The following ADCY2 variants were observed in gnomAD, a reference collection of about 807,000 sequenced individuals.
ADCY2 encodes the protein adenylate cyclase 2, also known as adenylate cyclase type 2.
Under a neutral mutation model 125.2 loss-of-function variants are expected in ADCY2, and 31 were observed. The observed-to-expected ratio is 0.25, with a 90% CI of 0.19 to 0.33. The LOEUF (loss-of-function observed/expected upper bound fraction) is 0.33, where lower values mean the gene tolerates loss of function less well. Among genes scored for constraint, ADCY2 ranks in the 10% least tolerant of loss-of-function variants. ADCY2 has a pLI of 1.00. For missense variants in ADCY2, 904 were observed against 1,418.2 expected, an observed-to-expected ratio of 0.64 and a Z score of 5.82; for synonymous variants, 512 against 548.4, an observed-to-expected ratio of 0.93 and a Z score of 0.93.
chr5:7,629,137 A>G lies in ADCY2; in HGVS notation c.720+2821A>G, dbSNP rs372919433. 6.6e-5 allele frequency among the ~76,000 whole-genome samples: 10 copies of G among 152,262 alleles called. No individual in the cohort carries two copies. The East Asian group carries it at 1.5e-3, about 23-fold the overall frequency. On this transcript the variant is annotated intron_variant, in intron 4 of 24. Transcript: ENST00000338316. ...TCAGTCATTGTTTAGATAAATAAAT[A>G]GCATCCAATTTAATGTACACGTTAG...
chr5:7,786,179 C>T (rs1744077958), intron 19 of ADCY2, among the ~76,000 whole-genome samples: 1 of 152,144 alleles, frequency 6.6e-6, no homozygotes. Flanking sequence ...ATATAAGACA[C>T]CGTGGGAAAT....
Position 7,712,819 on chromosome 5 carries a change from A to G in ADCY2, c.1579-37A>G, listed in dbSNP as rs1253398997. Reference sequence around the variant, plus strand: ...ATCATTGCAACATTCTTCTTGAAACATGTTTTGACAATTAATAACCTTTTT... The same window carrying G: ...ATCATTGCAACATTCTTCTTGAAACGTGTTTTGACAATTAATAACCTTTTT... On this transcript the variant is annotated intron_variant, in intron 10 of 24. Transcript: ENST00000338316. 2.1e-6 allele frequency: 3 copies of G among 1,460,404 alleles called. No homozygotes were observed. In the Admixed American group the frequency reaches 5.2e-5, roughly 25 times the overall value. The allele number at this position is 1,460,404 out of a possible 1,614,324, so 90.5% of individuals were successfully genotyped here. A position where few individuals can be genotyped will look rare whatever the true frequency, so the allele number is the denominator to read the frequency against.
intron 4 of ADCY2, among the ~76,000 whole-genome samples, chr5:7,641,481 G>T (rs1032879739): frequency 2.0e-5 from 3 of 151,924 alleles, no homozygotes; most frequent in African/African-American, 7.3e-5. Flanking sequence ...TGTCTCCTTT[G>T]TCAAGATATA....
chr5:7,778,255 A>G (rs943169874), intron 18 of ADCY2, among the ~76,000 whole-genome samples: 6 of 152,132 alleles, frequency 3.9e-5, no homozygotes, highest in African/African-American at 1.2e-4. Flanking sequence ...ATTTTTCCTG[A>G]GTTTTTTTTC....
chr5:7,666,332 G>A (rs971881074), intron 4 of ADCY2, among the ~76,000 whole-genome samples: 2 of 149,046 alleles, frequency 1.3e-5, no homozygotes, highest in African/African-American at 2.5e-5. Context: ...GCAGTGGCGC[G>A]ATCTCGGCTC....
At chr5:7,495,345 C>T (rs966349904) in intron 2 of ADCY2, among the ~76,000 whole-genome samples, 2 of 152,188 alleles carry the variant, frequency 1.3e-5, no homozygotes, top group African/African-American at 2.4e-5. Context: ...TTCATTGCAT[C>T]ATCAAGCTCT....
chr5:7,446,860 T>G (rs1308737731), intron 2 of ADCY2, among the ~76,000 whole-genome samples: 2 of 152,172 alleles, frequency 1.3e-5, no homozygotes, highest in Non-Finnish European at 2.9e-5. Flanking sequence ...TCTTTTGCAT[T>G]TGCCTTCTGT....
chr5:7,430,553 T>TAGA (rs1294953329), intron 2 of ADCY2, among the ~76,000 whole-genome samples: 2 of 148,350 alleles, frequency 1.3e-5, no homozygotes, highest in African/African-American at 4.9e-5. Context: ...ATATAGTATA[T>TAGA]TGATATACTA....
At chr5:7,810,157 CT>C (rs1237332993) in intron 22 of ADCY2, among the ~76,000 whole-genome samples, 1 of 151,954 alleles carries the variant, frequency 6.6e-6, no homozygotes, top group Admixed American at 6.6e-5. Context: ...TAGAGTTTTG[CT>C]TTTTTTTAAA....
chr5:7,806,336 A>G (rs1244040433), intron 22 of ADCY2, among the ~76,000 whole-genome samples: 1 of 152,100 alleles, frequency 6.6e-6, no homozygotes, highest in Non-Finnish European at 1.5e-5. Context: ...ACATTAAGAC[A>G]TGTATAGAGA....
At chr5:7,411,616 C>T (rs1739720056) in intron 1 of ADCY2, among the ~76,000 whole-genome samples, 1 of 152,084 alleles carries the variant, frequency 6.6e-6, no homozygotes, top group Admixed American at 6.5e-5. Flanking sequence ...ATGGAGAAGT[C>T]ACCTGCAGCC....
chr5:7,597,549 T>G (rs1579614153), intron 3 of ADCY2, among the ~76,000 whole-genome samples: 3 of 152,138 alleles, frequency 2.0e-5, no homozygotes. Context: ...CCAAGGTGGG[T>G]GGATCACTTA....
chr5:7,596,827 AG>A (rs1267080276), intron 3 of ADCY2, among the ~76,000 whole-genome samples: 2 of 152,224 alleles, frequency 1.3e-5, no homozygotes, highest in Non-Finnish European at 2.9e-5. Context: ...TGTAATCTCA[AG>A]GTTGGGGCCT....
chr5:7,617,723 A>C (rs1475988329), intron 3 of ADCY2, among the ~76,000 whole-genome samples: 1 of 152,198 alleles, frequency 6.6e-6, no homozygotes, highest in Non-Finnish European at 1.5e-5. Flanking sequence ...ATTCTTACAG[A>C]ACATGGTTTT....
At chr5:7,640,096 A>G (rs937280805) in intron 4 of ADCY2, among the ~76,000 whole-genome samples, 1 of 152,330 alleles carries the variant, frequency 6.6e-6, no homozygotes, top group Non-Finnish European at 1.5e-5. Context: ...TGAGGGATAC[A>G]GTTGTGACGA....
intron 2 of ADCY2, among the ~76,000 whole-genome samples, chr5:7,484,027 G>T (rs1220219919): frequency 6.6e-6 from 1 of 152,078 alleles, no homozygotes; most frequent in East Asian, 1.9e-4. Context: ...ATCTTTCAAG[G>T]TGAGGAAACC....
At chr5:7,695,974 ATTGT>A (rs1225374494) in intron 6 of ADCY2, 111 bp downstream of exon 6, 1 of 650,084 alleles carries the variant, frequency 1.5e-6, no homozygotes, top group Non-Finnish European at 2.5e-6. Context: ...CTTTAGGAAC[ATTGT>A]TTGTAGAAGT....
intron 2 of ADCY2, among the ~76,000 whole-genome samples, chr5:7,471,119 T>G (rs1421774155): frequency 1.3e-5 from 2 of 151,902 alleles, no homozygotes; most frequent in Non-Finnish European, 3.0e-5. Context: ...TTTTTAAAAT[T>G]TTTTAACTTT....
Position 7,697,782 on chromosome 5 carries a change from A to T in ADCY2, c.982-465A>T, listed in dbSNP as rs981122356. On this transcript the variant is annotated intron_variant, in intron 6 of 24. Transcript: ENST00000338316. The stretch of plus-strand genomic sequence containing the variant: ...CAGAAGTGACATATCTGCAGGTAAG[A>T]ATCAGCTTTGGATTTAAAATAAATA... Among the ~76,000 whole-genome samples the T allele has an allele frequency of 9.2e-5, 14 of 152,324 alleles. No homozygotes were observed. In the South Asian group the frequency reaches 2.1e-3, roughly 23 times the overall value.
Sources: gnomAD v4.1 joint callset for allele counts (sites outside exome capture counted in the v4.1 genomes callset) on GRCh38, gnomAD v4.1.1 for gene constraint, MANE v1.5 for transcripts, NCBI Gene and HGNC (gene_info 2026-07-23, HGNC 2026-07-21) for gene names.